The following SPATA13 variants were observed in gnomAD, a reference collection of about 807,000 sequenced individuals.
SPATA13 encodes spermatogenesis-associated protein 13.
SPATA13 carries 50 observed loss-of-function variants against 104.0 expected under a neutral mutation model. The observed-to-expected ratio is 0.48, with a 90% CI of 0.38 to 0.61. The LOEUF (loss-of-function observed/expected upper bound fraction) is 0.61. Among genes scored for constraint, SPATA13 ranks in the 20% least tolerant of loss-of-function variants. The pLI, the probability that SPATA13 is intolerant of heterozygous loss-of-function variation, is 0.00. For missense variants in SPATA13, 1,524 were observed against 1,690.6 expected (o/e 0.90, Z 1.73); for synonymous variants, 606 against 667.5 (o/e 0.91, Z 1.42).
At chr13:23,984,656 G>A (rs1467344716) in intron 2 of SPATA13, among the ~76,000 whole-genome samples, 1 of 152,202 alleles carries the variant, frequency 6.6e-6, no homozygotes, top group African/African-American at 2.4e-5. Context: ...AATGCACCTG[G>A]TGGAGCTTTT....
At chr13:23,987,041 T>TG (rs1875180473) in intron 2 of SPATA13, among the ~76,000 whole-genome samples, 1 of 61,088 alleles carries the variant, frequency 1.6e-5, no homozygotes, top group African/African-American at 5.3e-5. Context: ...GTGTGTGTGT[T>TG]ACTACTCCAC....
chr13:24,027,706 G>A lies in SPATA13; in HGVS notation c.-112+10005G>A, dbSNP rs143469217. Among the ~76,000 whole-genome samples the A allele has an allele frequency of 1.1e-4, 16 of 152,242 alleles. 1 individual carries two copies. Among genetic ancestry groups the A allele is most frequent in the African/African-American group, 3.6e-4 (15 of 41,550 alleles). On this transcript the variant is annotated intron_variant, in intron 3 of 14. Coordinates refer to the SPATA13 transcript ENST00000424834. ...TTTCTGGCTGTGTGACCTTGGTCAG[G>A]TAACTTAACTTCTCTGTGCCTTAGT...
chr13:24,245,363 G>A (rs1052676258), intron 2 of SPATA13, among the ~76,000 whole-genome samples: 7 of 151,720 alleles, frequency 4.6e-5, no homozygotes, highest in African/African-American at 1.2e-4. Flanking sequence ...GTCTTTTGGC[G>A]AATAATCAAT....
intron 2 of SPATA13, among the ~76,000 whole-genome samples, chr13:24,229,980 G>A (rs180833081): frequency 2.5e-4 from 38 of 152,304 alleles, no homozygotes; most frequent in African/African-American, 9.1e-4. Flanking sequence ...CCAAATCAAG[G>A]AAGGCTTCAT....
intron 3 of SPATA13, among the ~76,000 whole-genome samples, chr13:24,155,297 C>T (rs1367689858): frequency 6.6e-6 from 1 of 152,110 alleles, no homozygotes; most frequent in African/African-American, 2.4e-5. Context: ...AGATCTGTCA[C>T]GGAAGAACTT....
At chr13:23,996,335 A>C (rs1287154899) in intron 2 of SPATA13, among the ~76,000 whole-genome samples, 2 of 151,904 alleles carry the variant, frequency 1.3e-5, no homozygotes. Context: ...GAGAATGGTG[A>C]GAAGGGCATA....
At chr13:24,104,470 T>G (rs922432808) in intron 3 of SPATA13, among the ~76,000 whole-genome samples, 19 of 152,234 alleles carry the variant, frequency 1.2e-4, no homozygotes, top group African/African-American at 3.4e-4. Context: ...AAATATGCAG[T>G]TAAGGGAAAG....
chr13:24,008,283 G>C (rs568789869), intron 2 of SPATA13, among the ~76,000 whole-genome samples: 2 of 152,358 alleles, frequency 1.3e-5, no homozygotes, highest in African/African-American at 4.8e-5. Flanking sequence ...ACTCCTGAAG[G>C]TTGTGGGCTG....
At position 24,286,603 on chromosome 13, in the gene SPATA13, G is replaced by A. The variant is rs371844524; in HGVS notation, c.2482-162G>A. On this transcript the variant is annotated intron_variant, in intron 6 of 12. Transcript: ENST00000382108. This position sits in a 1 kb window ranked among gnomAD's most constrained non-coding sequence, Gnocchi z 4.9. ...GTGTTTCTCTGTGGTCCTCGTGCCT[G>A]CTGGCATAGCCGCAGCCCTGCTGAG... 7.2e-4 allele frequency among the ~76,000 whole-genome samples: 109 copies of A among 152,240 alleles called. No individual in the cohort carries two copies. Among genetic ancestry groups the A allele is most frequent in the Middle Eastern group, 6.8e-3 (2 of 294 alleles).
intron 9 of SPATA13, among the ~76,000 whole-genome samples, chr13:24,293,055 A>G (rs1399230124): frequency 6.8e-6 from 1 of 148,014 alleles, no homozygotes; most frequent in Non-Finnish European, 1.5e-5. Flanking sequence ...TCTTACAATT[A>G]GATTGGAAAG....
intron 3 of SPATA13, chr13:24,122,626 C>A (rs73461006): frequency 1.1e-4 from 153 of 1,349,216 alleles, no homozygotes; most frequent in Non-Finnish European, 1.5e-4. Flanking sequence ...CCTGTAAGAA[C>A]CTTTTTGCAC....
At chr13:23,991,104 C>G (rs761539715) in intron 2 of SPATA13, among the ~76,000 whole-genome samples, 1 of 152,180 alleles carries the variant, frequency 6.6e-6, no homozygotes, top group African/African-American at 2.4e-5. Flanking sequence ...CCAGGCAGGG[C>G]GGCAGCTCCC....
chr13:24,134,683 G>A (rs1205754241), intron 3 of SPATA13, among the ~76,000 whole-genome samples: 2 of 152,112 alleles, frequency 1.3e-5, no homozygotes, highest in Non-Finnish European at 2.9e-5. Flanking sequence ...AGAGCAGCTG[G>A]TCGTGACCCA....
At chr13:24,164,181 G>C (rs369694227) in intron 1 of SPATA13, among the ~76,000 whole-genome samples, 1 of 152,166 alleles carries the variant, frequency 6.6e-6, no homozygotes, top group Non-Finnish European at 1.5e-5. Flanking sequence ...GAAATGCATT[G>C]GTACAAAGTG....
In SPATA13 at chr13:23,983,778, C is replaced by A. The variant is rs1875019098; in HGVS notation, c.-302C>A. The A allele has an allele frequency of 2.1e-5, 11 of 512,492 alleles. No individual in the cohort carries two copies. In the South Asian group the frequency reaches 5.0e-4, roughly 23 times the overall value. 31.7% of individuals were successfully genotyped at this position (512,492 alleles called of 1,614,324 possible). A position where few individuals can be genotyped will look rare whatever the true frequency, so the allele number is the denominator to read the frequency against. On this transcript the variant is annotated 5_prime_UTR_variant, in exon 2 of 15. Transcript: ENST00000424834. Reference sequence around the variant, plus strand: ...TGACAAGGGAAGATGAAGCCTAGTTCCAGCTAGGGGTGACCTGTCTATCTG... The same window carrying A: ...TGACAAGGGAAGATGAAGCCTAGTTACAGCTAGGGGTGACCTGTCTATCTG...
At chr13:24,098,005 C>G (rs1880137808) in intron 3 of SPATA13, among the ~76,000 whole-genome samples, 1 of 152,206 alleles carries the variant, frequency 6.6e-6, no homozygotes, top group Non-Finnish European at 1.5e-5. Flanking sequence ...ACTGCCTTGA[C>G]TCTGCATCCT....
At chr13:24,104,331 G>A (rs1880366065) in intron 3 of SPATA13, among the ~76,000 whole-genome samples, 1 of 151,868 alleles carries the variant, frequency 6.6e-6, no homozygotes, top group African/African-American at 2.4e-5. Context: ...AAGGGATCCT[G>A]GTTCCATCAG....
chr13:24,161,093 G>A lies in SPATA13; in HGVS notation c.-112+161G>A, dbSNP rs1882460110. Among the ~76,000 whole-genome samples the A allele has an allele frequency of 1.3e-5, 2 of 152,202 alleles. No individual in the cohort carries two copies. Among genetic ancestry groups the A allele is most frequent in the Admixed American group, 1.3e-4 (2 of 15,292 alleles). On this transcript the variant is annotated intron_variant, in intron 1 of 12. Coordinates refer to ENST00000382108, the MANE Select transcript of SPATA13 (RefSeq NM_001166271.3). The surrounding 1 kb of genome is among the most constrained non-coding windows in gnomAD (Gnocchi z 4.5). ...GCTTCCCCCGCCGGTGGAGGCTACC[G>A]GGTGCTCACCTGTTAGGTCCGTGCG... is the stretch of plus-strand genomic sequence containing the variant.
At chr13:24,179,500 A>AGTGT (rs749212472) in intron 1 of SPATA13, among the ~76,000 whole-genome samples, 32 of 152,260 alleles carry the variant, frequency 2.1e-4, no homozygotes, top group Admixed American at 6.5e-4. Flanking sequence ...AACCAGTTTC[A>AGTGT]GTGTACAGTT....
Sources: allele counts gnomAD v4.1 joint callset (sites outside exome capture counted in the v4.1 genomes callset), GRCh38; gene constraint gnomAD v4.1.1; non-coding constraint Gnocchi (gnomAD v3.1); transcripts MANE v1.5; gene names NCBI Gene and HGNC (gene_info 2026-07-23, HGNC 2026-07-21).